Variants in GABBR2 observed in about 807,000 individuals in gnomAD.
GABBR2 encodes G-protein coupled receptor 51.
In GABBR2, 23 loss-of-function variants were observed where a neutral mutation model predicts 105.6. The observed-to-expected ratio is 0.22, with a 90% confidence interval of 0.16 to 0.31. The LOEUF (loss-of-function observed/expected upper bound fraction) is 0.31. Ranked by LOEUF, GABBR2 falls within the 10% of genes least tolerant of loss-of-function variation. The probability of loss-of-function intolerance (pLI) is 1.00; values close to 1 mark genes in which losing one functional copy is unlikely to be tolerated. For synonymous variants in GABBR2, 478 were observed against 499.7 expected (o/e 0.96, Z 0.58); for missense variants, 734 against 1,245.5 (o/e 0.59, Z 6.18).
chr9:98,336,254 T>C (rs1831112816), intron 13 of GABBR2, among the ~76,000 whole-genome samples: 1 of 152,166 alleles, frequency 6.6e-6, no homozygotes, highest in African/African-American at 2.4e-5. Flanking sequence ...AAGGCCCACA[T>C]GGCTAAAGAC....
chr9:98,375,907 T>A (rs190691850), intron 11 of GABBR2, among the ~76,000 whole-genome samples: 39 of 152,370 alleles, frequency 2.6e-4, no homozygotes, highest in African/African-American at 9.4e-4. Context: ...TTTTCCAATA[T>A]GTTACCACCA....
intron 1 of GABBR2, among the ~76,000 whole-genome samples, chr9:98,648,080 G>GTGTGTGTGTGTGTGT (rs1830050203): frequency 7.4e-5 from 5 of 68,014 alleles, no homozygotes; most frequent in African/African-American, 3.2e-4. Context: ...AATCATACAG[G>GTGTGTGTGTGTGTGT]GTGTGTGTGT....
intron 1 of GABBR2, among the ~76,000 whole-genome samples, chr9:98,662,019 A>G (rs1425051238): frequency 1.3e-5 from 2 of 151,586 alleles, no homozygotes; most frequent in African/African-American, 4.9e-5. Flanking sequence ...CTTCACTTCA[A>G]CTCTTCCCCC....
chr9:98,547,888 G>A (rs555230273), intron 2 of GABBR2, among the ~76,000 whole-genome samples: 1 of 121,896 alleles, frequency 8.2e-6, no homozygotes, highest in South Asian at 2.7e-4. Flanking sequence ...TCAGTTTTAA[G>A]CCTTATTGAC....
intron 13 of GABBR2, among the ~76,000 whole-genome samples, chr9:98,350,176 T>C (rs868269351): frequency 2.8e-5 from 2 of 72,594 alleles, no homozygotes; most frequent in Middle Eastern, 5.1e-3. Flanking sequence ...TTTTATCTTC[T>C]CAAAAAAAAA....
chr9:98,550,681 C>T (rs1828473030), intron 2 of GABBR2, among the ~76,000 whole-genome samples: 1 of 152,194 alleles, frequency 6.6e-6, no homozygotes, highest in South Asian at 2.1e-4. Flanking sequence ...GCTGTGCAAA[C>T]TTAGGCCACT....
intron 1 of GABBR2, among the ~76,000 whole-genome samples, chr9:98,696,719 C>T (rs337551): frequency 0.7 from 106,805 of 152,044 alleles, 38,794 homozygotes; most frequent in Middle Eastern, 0.84. Flanking sequence ...CCGAGTCTAT[C>T]AGGAGACACA....
intron 6 of GABBR2, among the ~76,000 whole-genome samples, chr9:98,461,860 C>G (rs1037149654): frequency 1.3e-5 from 2 of 152,138 alleles, no homozygotes; most frequent in Non-Finnish European, 2.9e-5. Flanking sequence ...AAGAATGGAG[C>G]AAGAGAGCAA....
chr9:98,436,348 C>CATAT (rs1158239322), intron 7 of GABBR2, among the ~76,000 whole-genome samples: 35 of 7,560 alleles, frequency 4.6e-3, no homozygotes, highest in Non-Finnish European at 5.9e-3. Context: ...ACACACACAC[C>CATAT]ATATATATAT....
intron 6 of GABBR2, among the ~76,000 whole-genome samples, chr9:98,463,416 T>C (rs1005868015): frequency 1.3e-5 from 2 of 152,104 alleles, no homozygotes; most frequent in African/African-American, 4.8e-5. Flanking sequence ...AAAATGTATA[T>C]AGAAATGCAA....
chr9:98,330,636 A>G (rs1831007854), intron 13 of GABBR2, among the ~76,000 whole-genome samples: 1 of 152,210 alleles, frequency 6.6e-6, no homozygotes, highest in African/African-American at 2.4e-5. Context: ...CCAGTATTGG[A>G]CACTTGCTCT....
At chr9:98,308,453 T>G (rs976763787) in intron 14 of GABBR2, among the ~76,000 whole-genome samples, 1 of 152,190 alleles carries the variant, frequency 6.6e-6, no homozygotes, top group Non-Finnish European at 1.5e-5. Flanking sequence ...CTAAAAGATA[T>G]GTCCATATCT....
At chr9:98,397,556 G>A (rs374492289) in intron 8 of GABBR2, among the ~76,000 whole-genome samples, 7 of 152,220 alleles carry the variant, frequency 4.6e-5, no homozygotes, top group South Asian at 2.1e-4. Flanking sequence ...AATAAATTAC[G>A]GTTATTTTAT....
chr9:98,574,592 T>C (rs186746590), intron 2 of GABBR2, among the ~76,000 whole-genome samples: 100 of 152,336 alleles, frequency 6.6e-4, no homozygotes, highest in Admixed American at 6.1e-3. Context: ...AATGAAATAA[T>C]ACATAATATT....
chr9:98,507,310 A>G (rs1169454068), intron 3 of GABBR2, among the ~76,000 whole-genome samples: 1 of 152,150 alleles, frequency 6.6e-6, no homozygotes, highest in Non-Finnish European at 1.5e-5. Flanking sequence ...CATGATCCCA[A>G]GGGTCTTTAT....
In GABBR2 at chr9:98,385,790, C is replaced by CA. The variant is rs1832061590; in HGVS notation, c.1530-19dup. The CA allele has an allele frequency of 1.3e-6, 2 of 1,599,622 alleles. No homozygotes were observed. Among genetic ancestry groups the CA allele is most frequent in the Non-Finnish European group, 1.7e-6 (2 of 1,167,446 alleles). Reference sequence around the variant, plus strand: ...TTATGAGCCTGACAAGAGAAAGAGACAATAGATTTAACAGAATGGTTAATT... The same window carrying CA: ...TTATGAGCCTGACAAGAGAAAGAGACAAATAGATTTAACAGAATGGTTAATT... On this transcript the variant is annotated intron_variant, in intron 10 of 18. Coordinates refer to ENST00000259455, the MANE Select transcript of GABBR2 (RefSeq NM_005458.8).
chr9:98,577,822 G>T, intron 2 of GABBR2, 113 bp downstream of exon 2: 3 of 1,023,578 alleles, frequency 2.9e-6, no homozygotes, highest in East Asian at 2.5e-5. Context: ...AGAAAGTCCA[G>T]GAGGCCTGAC....
intron 4 of GABBR2, among the ~76,000 whole-genome samples, chr9:98,491,922 C>T (rs1321038360): frequency 1.3e-5 from 2 of 152,104 alleles, no homozygotes. Context: ...TATGCCATCG[C>T]TTTTGGCTGG....
chr9:98,516,955 T>A (rs1169129282), intron 3 of GABBR2, among the ~76,000 whole-genome samples: 1 of 152,124 alleles, frequency 6.6e-6, no homozygotes, highest in African/African-American at 2.4e-5. Flanking sequence ...CAAAATGCTG[T>A]GAGATCTTGG....
Sources: allele counts gnomAD v4.1 joint callset (sites outside exome capture counted in the v4.1 genomes callset), GRCh38; gene constraint gnomAD v4.1.1; transcripts MANE v1.5; gene names NCBI Gene and HGNC (gene_info 2026-07-23, HGNC 2026-07-21).